The following DNM3 variants were observed in gnomAD, a reference collection of about 807,000 sequenced individuals.
The protein encoded by DNM3 is dynamin 3.
DNM3 carries 47 observed loss-of-function variants against 101.6 expected under a neutral mutation model. That is an observed-to-expected ratio of 0.46 (90% confidence interval 0.37 to 0.59). DNM3 has a LOEUF of 0.59. Among genes scored for constraint, DNM3 ranks in the 20% least tolerant of loss-of-function variants. DNM3 has a pLI of 0.00. For synonymous variants in DNM3, 385 were observed against 387.9 expected, an observed-to-expected ratio of 0.99 and a Z score of 0.09; for missense variants, 849 against 1,085.7, an observed-to-expected ratio of 0.78 and a Z score of 3.06.
chr1:172,255,437 C>G (rs1379899252), intron 15 of DNM3, among the ~76,000 whole-genome samples: 1 of 151,798 alleles, frequency 6.6e-6, no homozygotes, highest in African/African-American at 2.4e-5. Flanking sequence ...AACAGGAAGT[C>G]AAACAAAATT....
At chr1:171,848,889 G>T (rs767439085) in intron 1 of DNM3, among the ~76,000 whole-genome samples, 1 of 152,150 alleles carries the variant, frequency 6.6e-6, no homozygotes, top group Non-Finnish European at 1.5e-5. Flanking sequence ...AATGATACAG[G>T]ATTGCTTTAG....
chr1:172,036,850 G>A (rs2049004889), intron 6 of DNM3, among the ~76,000 whole-genome samples: 1 of 151,888 alleles, frequency 6.6e-6, no homozygotes, highest in African/African-American at 2.4e-5. Context: ...GCATCAGAGT[G>A]AACAGGCAAC....
intron 14 of DNM3, among the ~76,000 whole-genome samples, chr1:172,246,170 T>G (rs2061945791): frequency 6.6e-6 from 1 of 152,154 alleles, no homozygotes; most frequent in Non-Finnish European, 1.5e-5. Flanking sequence ...CACCAGGTCC[T>G]TCCTCCAACA....
chr1:172,416,196 C>A (rs1283636639), downstream of DNM3, among the ~76,000 whole-genome samples: 1 of 152,176 alleles, frequency 6.6e-6, no homozygotes, highest in Non-Finnish European at 1.5e-5. Context: ...CAATTTAGTA[C>A]TGCAACTTTC....
chr1:172,327,349 C>T (rs151091111), intron 17 of DNM3, among the ~76,000 whole-genome samples: 171 of 152,148 alleles, frequency 1.1e-3, no homozygotes, highest in African/African-American at 3.9e-3. Context: ...CAAATGGCAC[C>T]AAAGTATATA....
chr1:172,189,583 T>A (rs1248689310), intron 14 of DNM3, among the ~76,000 whole-genome samples: 1 of 152,072 alleles, frequency 6.6e-6, no homozygotes, highest in Non-Finnish European at 1.5e-5. Context: ...AGTAGAAGCA[T>A]ATCTAAGTAT....
At chr1:172,236,762 T>C (rs1184080777) in intron 14 of DNM3, among the ~76,000 whole-genome samples, 1 of 152,132 alleles carries the variant, frequency 6.6e-6, no homozygotes, top group African/African-American at 2.4e-5. Flanking sequence ...TCTTCATTGG[T>C]CTTGTCTTGC....
At chr1:172,088,269 T>C (rs1297077575) in intron 12 of DNM3, among the ~76,000 whole-genome samples, 1 of 152,136 alleles carries the variant, frequency 6.6e-6, no homozygotes. Context: ...GAGAGATAAC[T>C]GGAGGTTTCT....
rs1208923686 is a variant in DNM3 at position 172,060,376 on chromosome 1, C to T, written c.1336-8443C>T. On this transcript the variant is annotated intron_variant, in intron 10 of 20. Coordinates refer to ENST00000627582, the MANE Select transcript of DNM3 (RefSeq NM_015569.5). ...AAGTTCATATGGAACCAAAAAAGAGCCCGCATCACCAAGTCAATCCTAAGC... is the reference window on the plus strand; with the variant it reads ...AAGTTCATATGGAACCAAAAAAGAGTCCGCATCACCAAGTCAATCCTAAGC... Among the ~76,000 whole-genome samples, 120 of 85,494 alleles carry T rather than the reference C, an allele frequency of 1.4e-3. 1 individual carries two copies. The highest frequency in any genetic ancestry group is 1.7e-3 in the Non-Finnish European group (78 of 45,228). 56.1% of individuals were successfully genotyped at this position (85,494 alleles called of 152,430 possible).
intron 15 of DNM3, among the ~76,000 whole-genome samples, chr1:172,281,494 G>A (rs544890004): frequency 1.3e-5 from 2 of 152,218 alleles, no homozygotes; most frequent in African/African-American, 4.8e-5. Context: ...GCCATATGGA[G>A]CTCTAATAGA....
chr1:172,211,340 C>T (rs2060506397), intron 14 of DNM3, among the ~76,000 whole-genome samples: 1 of 152,058 alleles, frequency 6.6e-6, no homozygotes, highest in African/African-American at 2.4e-5. Flanking sequence ...CTAAAGTTTT[C>T]CTTCTACAAT....
intron 17 of DNM3, among the ~76,000 whole-genome samples, chr1:172,361,916 C>A (rs2067762079): frequency 6.6e-6 from 1 of 151,990 alleles, no homozygotes; most frequent in Non-Finnish European, 1.5e-5. Flanking sequence ...ATACCCAACA[C>A]TTATAAGACC....
chr1:172,191,369 G>A (rs1362477861), intron 14 of DNM3, among the ~76,000 whole-genome samples: 4 of 152,060 alleles, frequency 2.6e-5, no homozygotes, highest in Admixed American at 6.6e-5. Flanking sequence ...TGTTCCATTG[G>A]TCTATATCTC....
At chr1:172,305,664 A>C (rs1324619385) in intron 15 of DNM3, among the ~76,000 whole-genome samples, 2 of 152,240 alleles carry the variant, frequency 1.3e-5, no homozygotes, top group East Asian at 3.8e-4. Flanking sequence ...ATCCAGCAGA[A>C]CATCAAAAAG....
intron 15 of DNM3, among the ~76,000 whole-genome samples, chr1:172,273,665 AACTTT>A (rs2148757462): frequency 6.6e-6 from 1 of 152,254 alleles, no homozygotes; most frequent in South Asian, 2.1e-4. Context: ...TCTAGTACAC[AACTTT>A]ACTTTCCATT....
At chr1:172,041,913 G>A (rs2049419776) in intron 7 of DNM3, 96 bp from the exon 8 acceptor site, 15 of 1,404,626 alleles carry the variant, frequency 1.1e-5, no homozygotes, top group Non-Finnish European at 1.4e-5. Flanking sequence ...AAGAGCACCT[G>A]GAAAAGGATT....
intron 17 of DNM3, among the ~76,000 whole-genome samples, chr1:172,354,466 G>A (rs914364472): frequency 1.3e-5 from 2 of 152,166 alleles, no homozygotes; most frequent in African/African-American, 4.8e-5. Flanking sequence ...TGCTCAGGCT[G>A]GTGGGAGATT....
intron 1 of DNM3, among the ~76,000 whole-genome samples, chr1:171,847,642 C>T (rs2124973539): frequency 6.6e-6 from 1 of 152,084 alleles, no homozygotes; most frequent in Non-Finnish European, 1.5e-5. Flanking sequence ...TTCCAAGGCA[C>T]TAATACTTAA....
chr1:171,921,719 CCTTAAT>C, intron 1 of DNM3, 23 bp from the exon 2 acceptor site: 1 of 1,544,890 alleles, frequency 6.5e-7, no homozygotes, highest in Non-Finnish European at 8.8e-7. Flanking sequence ...TTCCTTCATG[CCTTAAT>C]CTGTATTTCT....
Sources: gnomAD v4.1 joint callset for allele counts (sites outside exome capture counted in the v4.1 genomes callset) on GRCh38, gnomAD v4.1.1 for gene constraint, MANE v1.5 for transcripts, NCBI Gene and HGNC (gene_info 2026-07-23, HGNC 2026-07-21) for gene names.